Variants in COL5A1 observed in about 807,000 individuals in gnomAD.
COL5A1 encodes the protein collagen type V alpha 1 chain.
A neutral mutation model predicts 263.7 loss-of-function variants in COL5A1; 16 were observed. The observed-to-expected ratio is 0.06, with a 90% confidence interval of 0.04 to 0.09. COL5A1 has a LOEUF of 0.09. Ranked by LOEUF, COL5A1 falls within the 10% of genes least tolerant of loss-of-function variation. The pLI, the probability that COL5A1 is intolerant of heterozygous loss-of-function variation, is 1.00. For synonymous variants in COL5A1, 1,012 were observed against 1,004.5 expected (o/e 1.01, Z -0.14); for missense variants, 2,036 against 2,540.5 (o/e 0.80, Z 4.27).
chr9:134,691,533 C>T (rs76345396), intron 2 of COL5A1: 5,779 of 179,136 alleles, frequency 0.032, 155 homozygotes, highest in South Asian at 0.082. Flanking sequence ...CTAGCAAGAG[C>T]ATGGGAGGCT....
At chr9:134,653,736 G>C (rs1397115436) in intron 1 of COL5A1, among the ~76,000 whole-genome samples, 3 of 151,732 alleles carry the variant, frequency 2.0e-5, no homozygotes, top group Non-Finnish European at 4.4e-5. Context: ...CTTTCAGGCA[G>C]GGGGCTATAG....
chr9:134,785,902 C>A, intron 30 of COL5A1, 93 bp from the exon 31 acceptor site: 11 of 1,187,292 alleles, frequency 9.3e-6, no homozygotes, highest in Non-Finnish European at 1.2e-5. Context: ...CTCCTCCAGG[C>A]CCCTGCCAGA....
intron 11 of COL5A1, among the ~76,000 whole-genome samples, chr9:134,745,496 G>T (rs1835477702): frequency 6.6e-6 from 1 of 152,142 alleles, no homozygotes; most frequent in Non-Finnish European, 1.5e-5. Context: ...CCGATTATTG[G>T]TGGCCTATGG....
At chr9:134,707,330 G>C (rs888505990) in intron 4 of COL5A1, among the ~76,000 whole-genome samples, 1 of 152,188 alleles carries the variant, frequency 6.6e-6, no homozygotes, top group Non-Finnish European at 1.5e-5. Context: ...TGATGGCGTC[G>C]GCTCCAAGCT....
At chr9:134,675,361 A>G (rs1832657744) in intron 1 of COL5A1, among the ~76,000 whole-genome samples, 1 of 152,218 alleles carries the variant, frequency 6.6e-6, no homozygotes, top group African/African-American at 2.4e-5. Context: ...ACTTAAAAAA[A>G]AATTTGTGCC....
At chr9:134,756,677 T>A in intron 16 of COL5A1, 88 bp from the exon 17 acceptor site, 1 of 1,433,146 alleles carries the variant, frequency 7.0e-7, no homozygotes, top group Non-Finnish European at 9.8e-7. Context: ...GGTGGAACGC[T>A]CAACTTGGTT....
chr9:134,678,812 G>A lies in COL5A1; in HGVS notation c.110-12100G>A, dbSNP rs1832751937. Among the ~76,000 whole-genome samples, 1 of 152,222 alleles carries A rather than the reference G, an allele frequency of 6.6e-6. No individual in the cohort carries two copies. ...AAGGGGCTGGAGCTAAATGCCGTTG[G>A]AACTGGGTGGCCCCTGAAGTGTCTG... is the stretch of plus-strand genomic sequence containing the variant. On this transcript the variant is annotated intron_variant, in intron 1 of 65. Coordinates refer to ENST00000371817, the MANE Select transcript of COL5A1 (RefSeq NM_000093.5). This position sits in a 1 kb window ranked among gnomAD's most constrained non-coding sequence, Gnocchi z 5.5.
At chr9:134,822,925 G>T in intron 59 of COL5A1, 73 bp from the exon 60 acceptor site, 1 of 1,568,854 alleles carries the variant, frequency 6.4e-7, no homozygotes, top group Admixed American at 1.7e-5. Context: ...GACCAGGCTG[G>T]GCAGGACATG....
chr9:134,694,721 C>T (rs1320930499), intron 2 of COL5A1, among the ~76,000 whole-genome samples: 2 of 152,198 alleles, frequency 1.3e-5, no homozygotes, highest in Non-Finnish European at 2.9e-5. Flanking sequence ...GATGAGGCTG[C>T]AGGGACTGAA....
rs148053413 is a variant in COL5A1, at chr9:134,814,056, G to A, written c.3906+20G>A. 975 of 1,550,188 alleles carry A rather than the reference G, an allele frequency of 6.3e-4. 2 individuals carry two copies. The highest frequency in any genetic ancestry group is 1.0e-3 in the Middle Eastern group (6 of 5,988). On this transcript the variant is annotated intron_variant, in intron 49 of 65. Coordinates refer to ENST00000371817, the MANE Select transcript of COL5A1 (RefSeq NM_000093.5). ...CCCCCGGTGAGTGAGCGGGCGCTGCGGGAGGGGTGGGATATGGCCGAGCGG... is the reference window on the plus strand; with the variant it reads ...CCCCCGGTGAGTGAGCGGGCGCTGCAGGAGGGGTGGGATATGGCCGAGCGG...
At chr9:134,675,187 A>G (rs921286675) in intron 1 of COL5A1, among the ~76,000 whole-genome samples, 1 of 152,162 alleles carries the variant, frequency 6.6e-6, no homozygotes, top group African/African-American at 2.4e-5. Flanking sequence ...TTGATTAAGC[A>G]TTTGTATTCA....
rs116826248 is a variant in COL5A1, at chr9:134,719,068, G to T, written c.655-8198G>T. Among the ~76,000 whole-genome samples the T allele has an allele frequency of 9.4e-3, 1,438 of 152,318 alleles. 14 individuals carry two copies. Among genetic ancestry groups the T allele is most frequent in the Middle Eastern group, 0.02 (6 of 294 alleles). On this transcript the variant is annotated intron_variant, in intron 4 of 65. Coordinates refer to ENST00000371817, the MANE Select transcript of COL5A1 (RefSeq NM_000093.5). ...TGTCACGTTGGAGCGGGGAAGTGGG[G>T]TGGGCTTAGGACAAGCAGCCTCAAA... is the stretch of plus-strand genomic sequence containing the variant.
intron 11 of COL5A1, among the ~76,000 whole-genome samples, chr9:134,748,865 A>C (rs1249277537): frequency 6.6e-6 from 1 of 152,246 alleles, no homozygotes; most frequent in Non-Finnish European, 1.5e-5. Flanking sequence ...TGGGAGATGC[A>C]ACAGATGTTG....
chr9:134,737,672 G>A (rs938324994), intron 9 of COL5A1, among the ~76,000 whole-genome samples: 18 of 152,162 alleles, frequency 1.2e-4, no homozygotes, highest in African/African-American at 3.6e-4. Context: ...GGAAGGGGTC[G>A]GAAGTGGGGG....
intron 64 of COL5A1, among the ~76,000 whole-genome samples, chr9:134,832,371 A>G (rs1011575972): frequency 1.3e-5 from 2 of 152,064 alleles, no homozygotes; most frequent in African/African-American, 4.8e-5. Flanking sequence ...GCGCCACTGC[A>G]CTCCATCCTG....
intron 1 of COL5A1, among the ~76,000 whole-genome samples, chr9:134,673,636 GT>G (rs750899930): frequency 6.6e-6 from 1 of 151,994 alleles, no homozygotes; most frequent in African/African-American, 2.4e-5. Flanking sequence ...AAAATCTTGA[GT>G]TTTTTTACCT....
chr9:134,747,656 GAC>G (rs1455342064), intron 11 of COL5A1, among the ~76,000 whole-genome samples: 5 of 134,428 alleles, frequency 3.7e-5, no homozygotes, highest in African/African-American at 5.7e-5. Flanking sequence ...TACACATGCA[GAC>G]ACATGCACAC....
At chr9:134,728,635 C>G in intron 5 of COL5A1, 35 bp from the exon 6 acceptor site, 1 of 1,613,274 alleles carries the variant, frequency 6.2e-7, no homozygotes, top group Non-Finnish European at 8.5e-7. Context: ...CTGCGGGCTC[C>G]GCTGCTTCCT....
At chr9:134,752,348 CG>C (rs1835811415) in intron 13 of COL5A1, among the ~76,000 whole-genome samples, 4 of 151,148 alleles carry the variant, frequency 2.6e-5, no homozygotes, top group Admixed American at 1.3e-4. Flanking sequence ...AGGGAGGAAA[CG>C]GGGGCCCACT....
Sources: allele counts gnomAD v4.1 joint callset (sites outside exome capture counted in the v4.1 genomes callset), GRCh38; gene constraint gnomAD v4.1.1; non-coding constraint Gnocchi (gnomAD v3.1); transcripts MANE v1.5; gene names NCBI Gene and HGNC (gene_info 2026-07-23, HGNC 2026-07-21).